CLYBL: variants seen among roughly 807,000 people sequenced by gnomAD.
CLYBL encodes citramalyl-CoA lyase, mitochondrial.
A neutral mutation model predicts 38.9 loss-of-function variants in CLYBL; 31 were observed. The ratio of observed to expected loss-of-function variants is 0.80; its 90% confidence interval spans 0.60 to 1.08. The LOEUF is 1.08. CLYBL is among the 50% of genes least tolerant of loss of function. CLYBL has a pLI of 0.00. For missense variants in CLYBL, 434 were observed against 411.6 expected (o/e 1.05, Z -0.47); for synonymous variants, 171 against 158.6 (o/e 1.08, Z -0.59).
At chr13:99,815,915 T>A (rs991723194) in intron 2 of CLYBL, among the ~76,000 whole-genome samples, 2 of 152,164 alleles carry the variant, frequency 1.3e-5, no homozygotes, top group East Asian at 1.9e-4. Context: ...TAATTAAAAA[T>A]TTTAAAATTT....
chr13:99,707,141 A>G (rs1360296681), intron 1 of CLYBL, among the ~76,000 whole-genome samples: 1 of 152,146 alleles, frequency 6.6e-6, no homozygotes, highest in Non-Finnish European at 1.5e-5. Context: ...CTTACCCTCA[A>G]TGAGTAACGT....
At chr13:99,632,845 A>G (rs1381151074) in intron 1 of CLYBL, among the ~76,000 whole-genome samples, 1 of 152,244 alleles carries the variant, frequency 6.6e-6, no homozygotes, top group African/African-American at 2.4e-5. Context: ...AGATGTTACA[A>G]TTAATAGACA....
rs148417816 is a variant in CLYBL at position 99,763,640 on chromosome 13, C to T, written c.63-9184C>T. 5.3e-3 allele frequency among the ~76,000 whole-genome samples: 795 copies of T among 151,160 alleles called. 6 individuals are homozygous for T. The highest frequency in any genetic ancestry group is 0.019 in the African/African-American group (764 of 41,160). On this transcript the variant is annotated intron_variant, in intron 1 of 8. Coordinates refer to ENST00000339105, the MANE Select transcript of CLYBL (RefSeq NM_206808.5). ...CACGATCTCGGCTCACTGCAACCTC[C>T]GCCTCCCGAGTTCAAGCGATTCTCC...
At chr13:99,683,894 A>G (rs868694854) in intron 1 of CLYBL, among the ~76,000 whole-genome samples, 2 of 149,688 alleles carry the variant, frequency 1.3e-5, no homozygotes, top group South Asian at 2.1e-4. Flanking sequence ...TTTGAGACAG[A>G]GTCTCACTCT....
At position 99,904,693 on chromosome 13, in the gene CLYBL, T is replaced by A. The variant is rs185722570; in HGVS notation, c.*25-577T>A. On this transcript the variant is annotated intron_variant and NMD_transcript_variant, in intron 8 of 9. Transcript: ENST00000689673. ...TCCATAATTTAATTTTTCTCATATA[T>A]ACTTAAAGCATATAAGTAAAAAGCA... 2.5e-3 allele frequency among the ~76,000 whole-genome samples: 379 copies of A among 152,300 alleles called. 2 individuals carry two copies. The highest frequency in any genetic ancestry group is 8.7e-3 in the African/African-American group (360 of 41,550).
rs189969143 is a variant in CLYBL, at chr13:99,649,915, G to A, written c.62+43158G>A. 4.3e-3 allele frequency among the ~76,000 whole-genome samples: 647 copies of A among 150,668 alleles called. 17 individuals are homozygous for A. The highest frequency in any genetic ancestry group is 5.7e-3 in the East Asian group (29 of 5,070). On this transcript the variant is annotated intron_variant, in intron 1 of 8. Transcript: ENST00000339105. ...TGATGCTTCATGAAAAAAAAAGAAA[G>A]TTTTCAGCCTGAGCAATATAGCAAG...
intron 1 of CLYBL, among the ~76,000 whole-genome samples, chr13:99,732,888 T>TGATC (rs1249466741): frequency 6.6e-6 from 1 of 152,182 alleles, no homozygotes; most frequent in Non-Finnish European, 1.5e-5. Flanking sequence ...CAGAAGCACA[T>TGATC]TGGTTTGTAG....
intron 7 of CLYBL, among the ~76,000 whole-genome samples, chr13:99,881,118 G>A (rs1273391113): frequency 6.6e-6 from 1 of 152,106 alleles, no homozygotes; most frequent in Admixed American, 6.5e-5. Flanking sequence ...ATTATTTAAA[G>A]GGCTTCTCCA....
At chr13:99,884,711 C>T (rs2052302959) in intron 7 of CLYBL, among the ~76,000 whole-genome samples, 1 of 152,220 alleles carries the variant, frequency 6.6e-6, no homozygotes, top group Non-Finnish European at 1.5e-5. Flanking sequence ...GTAGGCTCTG[C>T]ATCCATGTCA....
At chr13:99,899,492 G>A (rs1397206339), downstream of CLYBL, among the ~76,000 whole-genome samples, 5 of 152,134 alleles carry the variant, frequency 3.3e-5, no homozygotes, top group Admixed American at 6.5e-5. Flanking sequence ...AAAAGCACCT[G>A]GCATATGGTG....
intron 2 of CLYBL, among the ~76,000 whole-genome samples, chr13:99,845,615 C>T (rs111505763): frequency 0.028 from 4,305 of 152,252 alleles, 90 homozygotes; most frequent in Middle Eastern, 0.048. Flanking sequence ...TATAGAAGAT[C>T]GGAAGCTCCC....
chr13:99,714,876 G>C (rs2048288676), intron 1 of CLYBL, among the ~76,000 whole-genome samples: 1 of 151,992 alleles, frequency 6.6e-6, no homozygotes, highest in Non-Finnish European at 1.5e-5. Flanking sequence ...TTGAGCCCAG[G>C]AGGCAGAGGT....
rs4001024 is a variant in CLYBL, at chr13:99,716,169, ATTTTTTTTTTTTTT to A, written c.63-56630_63-56617del. ...AAATTGTCCTTGCTTTATTGGTGTAATTTTTTTTTTTTTTTTTTTTTTTTTTTTTTTTTTTTTTA... is the reference window on the plus strand; with the variant it reads ...AAATTGTCCTTGCTTTATTGGTGTAATTTTTTTTTTTTTTTTTTTTTTTTA... On this transcript the variant is annotated intron_variant, in intron 1 of 8. Coordinates refer to ENST00000339105, the MANE Select transcript of CLYBL (RefSeq NM_206808.5). 7.7e-3 allele frequency among the ~76,000 whole-genome samples: 257 copies of A among 33,454 alleles called. 3 individuals carry two copies. The highest frequency in any genetic ancestry group is 0.018 in the African/African-American group (183 of 10,118). 21.9% of individuals were successfully genotyped at this position (33,454 alleles called of 152,430 possible).
At chr13:99,748,102 C>T (rs1355882204) in intron 1 of CLYBL, among the ~76,000 whole-genome samples, 1 of 152,146 alleles carries the variant, frequency 6.6e-6, no homozygotes, top group Non-Finnish European at 1.5e-5. Flanking sequence ...CTCCAATTCT[C>T]TGCTGGCCGC....
intron 1 of CLYBL, among the ~76,000 whole-genome samples, chr13:99,695,605 C>G (rs966298356): frequency 6.6e-6 from 1 of 151,972 alleles, no homozygotes; most frequent in Non-Finnish European, 1.5e-5. Flanking sequence ...CTGCAACCTC[C>G]GCCTCCCGAG....
chr13:99,718,374 GA>G (rs80328734), intron 1 of CLYBL, among the ~76,000 whole-genome samples: 7,378 of 122,976 alleles, frequency 0.06, 571 homozygotes, highest in African/African-American at 0.19. Flanking sequence ...TTAAAAAAAA[GA>G]AAAAAAAAAA....
In CLYBL at chr13:99,865,279, T is replaced by TGTC. The variant is rs2051714283; in HGVS notation, c.634+369_634+371dup. 1 of 275,502 alleles carries TGTC rather than the reference T, an allele frequency of 3.6e-6. No homozygotes were observed. 17.1% of individuals were successfully genotyped at this position (275,502 alleles called of 1,614,324 possible). On this transcript the variant is annotated intron_variant, in intron 5 of 8. Transcript: ENST00000339105. This position sits in a 1 kb window ranked among gnomAD's most constrained non-coding sequence, Gnocchi z 4.7. Reference sequence around the variant, plus strand: ...TTTGTTTTCATATCAGTCTGTGGGCTGTCTAGATTTCTAACGCAAATTTAA... The same window carrying TGTC: ...TTTGTTTTCATATCAGTCTGTGGGCTGTCGTCTAGATTTCTAACGCAAATTTAA...
intron 1 of CLYBL, among the ~76,000 whole-genome samples, chr13:99,699,887 G>C (rs1378420812): frequency 6.7e-6 from 1 of 148,752 alleles, no homozygotes; most frequent in Admixed American, 6.7e-5. Context: ...CCAGCTACTC[G>C]AGGCTGAGGC....
chr13:99,625,923 C>T (rs904201427), intron 1 of CLYBL, among the ~76,000 whole-genome samples: 8 of 152,166 alleles, frequency 5.3e-5, no homozygotes, highest in Admixed American at 6.5e-5. Flanking sequence ...GCGCATCTCA[C>T]GTGAGATACG....
Sources: allele counts gnomAD v4.1 joint callset (sites outside exome capture counted in the v4.1 genomes callset), GRCh38; gene constraint gnomAD v4.1.1; non-coding constraint Gnocchi (gnomAD v3.1); transcripts MANE v1.5; gene names NCBI Gene and HGNC (gene_info 2026-07-23, HGNC 2026-07-21).